TERF2: variants seen among roughly 807,000 people sequenced by gnomAD.
TERF2 encodes telomeric repeat binding factor 2, also known as telomeric repeat-binding factor 2.
A neutral mutation model predicts 56.1 loss-of-function variants in TERF2; 16 were observed. The observed-to-expected ratio is 0.29, with a 90% CI of 0.19 to 0.43. The LOEUF (loss-of-function observed/expected upper bound fraction) is 0.43, where lower values mean the gene tolerates loss of function less well. Ranked by LOEUF, TERF2 falls within the 20% of genes least tolerant of loss-of-function variation. The pLI is 1.00. For synonymous variants in TERF2, 296 were observed against 282.1 expected (o/e 1.05, Z -0.50); for missense variants, 547 against 712.9 (o/e 0.77, Z 2.65).
intron 3 of TERF2, among the ~76,000 whole-genome samples, chr16:69,380,819 T>C (rs985597988): frequency 2.0e-5 from 3 of 150,562 alleles, no homozygotes; most frequent in Admixed American, 6.6e-5. Flanking sequence ...TTTTTTTTTT[T>C]CTGAGATGGA....
chr16:69,357,586 ATTTCAGAGTTCACC>A (rs1230882657), intron 8 of TERF2, 25 bp from the exon 9 acceptor site: 1 of 1,611,804 alleles, frequency 6.2e-7, no homozygotes, highest in Non-Finnish European at 8.5e-7. Context: ...AAGTAGACTC[ATTTCAGAGTTCACC>A]TTTCTCTGCA....
intron 8 of TERF2, among the ~76,000 whole-genome samples, chr16:69,359,394 G>A (rs2013041695): frequency 6.6e-6 from 1 of 151,714 alleles, no homozygotes; most frequent in East Asian, 2.0e-4. Context: ...TGGGAGTGGT[G>A]GCACATACCT....
chr16:69,381,479 A>T (rs1020468800), intron 3 of TERF2, among the ~76,000 whole-genome samples: 26 of 142,074 alleles, frequency 1.8e-4, no homozygotes, highest in South Asian at 4.4e-4. Flanking sequence ...ACTTCCTCTT[A>T]TTTTTTTTTT....
intron 3 of TERF2, among the ~76,000 whole-genome samples, chr16:69,376,559 G>A (rs1011035478): frequency 4.6e-5 from 7 of 151,928 alleles, no homozygotes; most frequent in Non-Finnish European, 7.4e-5. Context: ...AGAAAATCCT[G>A]CTGAGGCCAG....
intron 9 of TERF2, 97 bp downstream of exon 9, chr16:69,357,421 C>T: frequency 1.0e-6 from 1 of 990,832 alleles, no homozygotes; most frequent in South Asian, 1.6e-5. Flanking sequence ...AAGGTTTTTA[C>T]TGGGTACATA....
chr16:69,361,118 A>AGC (rs1317377838), intron 8 of TERF2, among the ~76,000 whole-genome samples: 2 of 152,002 alleles, frequency 1.3e-5, no homozygotes, highest in Non-Finnish European at 1.5e-5. Flanking sequence ...CTGCAGTCCC[A>AGC]GCTACTCAGG....
At chr16:69,364,131 T>C (rs1376436194) in intron 7 of TERF2, among the ~76,000 whole-genome samples, 1 of 152,226 alleles carries the variant, frequency 6.6e-6, no homozygotes, top group Non-Finnish European at 1.5e-5. Flanking sequence ...AGAATCCTTA[T>C]TTTACTTGGT....
At chr16:69,383,222 T>C (rs1037195600) in intron 3 of TERF2, among the ~76,000 whole-genome samples, 1 of 152,176 alleles carries the variant, frequency 6.6e-6, no homozygotes, top group Non-Finnish European at 1.5e-5. Flanking sequence ...CCAATGAGCA[T>C]TTCCTTTGAG....
intron 2 of TERF2, 64 bp downstream of exon 2, chr16:69,385,327 A>G (rs769141603): frequency 2.8e-4 from 381 of 1,378,002 alleles, no homozygotes; most frequent in Middle Eastern, 3.5e-4. Flanking sequence ...TCAGTTCTAG[A>G]TATAAGTTTT....
At chr16:69,381,514 T>C (rs2014000402) in intron 3 of TERF2, among the ~76,000 whole-genome samples, 1 of 151,798 alleles carries the variant, frequency 6.6e-6, no homozygotes, top group Non-Finnish European at 1.5e-5. Context: ...GGGTCTTCAC[T>C]CTGTCGTCCA....
intron 7 of TERF2, chr16:69,366,199 A>G (rs2013338456): frequency 6.6e-6 from 1 of 152,396 alleles, no homozygotes; most frequent in African/African-American, 2.4e-5. Context: ...AGTGGTAGAA[A>G]CAAACAACAT....
At chr16:69,361,012 C>T (rs568007258) in intron 8 of TERF2, among the ~76,000 whole-genome samples, 2 of 151,860 alleles carry the variant, frequency 1.3e-5, no homozygotes, top group South Asian at 2.1e-4. Context: ...GTGGGAGGAT[C>T]GCTTGAGCCC....
At chr16:69,357,429 A>C in intron 9 of TERF2, 89 bp downstream of exon 9, 1 of 1,114,538 alleles carries the variant, frequency 9.0e-7, no homozygotes, top group South Asian at 1.4e-5. Flanking sequence ...TACTGGGTAC[A>C]TAACCAGTCT....
chr16:69,362,898 G>GA (rs2013198660), intron 7 of TERF2, among the ~76,000 whole-genome samples: 1 of 152,048 alleles, frequency 6.6e-6, no homozygotes, highest in Non-Finnish European at 1.5e-5. Flanking sequence ...CCGCCATGAA[G>GA]AAAAAACTTA....
chr16:69,385,324 T>C (rs2014152909), intron 2 of TERF2, 67 bp downstream of exon 2: 2 of 1,357,228 alleles, frequency 1.5e-6, no homozygotes, highest in Non-Finnish European at 2.1e-6. Context: ...CCTTCAGTTC[T>C]AGATATAAGT....
At chr16:69,360,374 G>A (rs1478950676) in intron 8 of TERF2, among the ~76,000 whole-genome samples, 31 of 150,484 alleles carry the variant, frequency 2.1e-4, no homozygotes, top group African/African-American at 7.6e-4. Context: ...AACAAAGTAA[G>A]ACTGCATCTC....
rs147928160 is a variant in TERF2, at chr16:69,374,567, G to A, written c.607-2212C>T. Among the ~76,000 whole-genome samples the A allele has an allele frequency of 3.7e-3, 512 of 139,968 alleles. 1 individual carries two copies. Among genetic ancestry groups the A allele is most frequent in the African/African-American group, 0.013 (506 of 37,978 alleles). The allele number at this position is 139,968 out of a possible 152,430, so 91.8% of individuals were successfully genotyped here. On this transcript the variant is annotated intron_variant, in intron 3 of 9. Transcript: ENST00000254942. ...AGCCCAGGAATTTGAGGGCAGCAGT[G>A]AGCTATGATCATGCCACTGCACTCC...
chr16:69,360,384 CAA>C (rs748671889), intron 8 of TERF2, among the ~76,000 whole-genome samples: 3 of 128,576 alleles, frequency 2.3e-5, no homozygotes, highest in Non-Finnish European at 1.7e-5. Context: ...GACTGCATCT[CAA>C]AAAAAAAAAA....
rs2014191992 is a variant in TERF2, at chr16:69,385,950, C to G, written c.22G>C (p.Ala8Pro). Residue 8 changes from alanine to proline, a missense_variant, in exon 1 of 10, where the codon GCG becomes CCG. By Grantham distance (27) the Ala-to-Pro change is conservative. This residue lies in a region of TERF2 where 85 missense variants were observed against 59.5 expected (regional missense o/e 1.43). Coordinates refer to ENST00000254942, the MANE Select transcript of TERF2 (RefSeq NM_005652.5). MAAGAGT[A>P]GPASGPGVVR... Reference sequence around the variant, plus strand: ...ACGCCCGGGCCGGAAGCGGGGCCCGCCGTCCCGGCTCCCGCGGCCATGATA... The same window carrying G: ...ACGCCCGGGCCGGAAGCGGGGCCCGGCGTCCCGGCTCCCGCGGCCATGATA... The G allele has an allele frequency of 2.9e-6, 4 of 1,362,958 alleles. No homozygotes were observed. In the South Asian group the frequency reaches 6.5e-5, roughly 22 times the overall value. 84.4% of individuals were successfully genotyped at this position (1,362,958 alleles called of 1,614,324 possible). A position where few individuals can be genotyped will look rare whatever the true frequency, so the allele number is the denominator to read the frequency against.
Sources: gnomAD v4.1 joint callset for allele counts (sites outside exome capture counted in the v4.1 genomes callset) on GRCh38, gnomAD v4.1.1 for gene constraint, gnomAD v4.1.1 regional missense constraint, MANE v1.5 for transcripts, NCBI Gene and HGNC (gene_info 2026-07-23, HGNC 2026-07-21) for gene names.